The following TMEM165 variants were observed in gnomAD, a reference collection of about 807,000 sequenced individuals.
The protein encoded by TMEM165 is transmembrane protein 165.
TMEM165 carries 19 observed loss-of-function variants against 30.0 expected under a neutral mutation model. The ratio of observed to expected loss-of-function variants is 0.63; its 90% CI spans 0.44 to 0.93. TMEM165 has a LOEUF of 0.93. Among genes scored for constraint, TMEM165 ranks in the 40% least tolerant of loss-of-function variants. The probability of loss-of-function intolerance (pLI) is 0.00; values close to 1 mark genes in which losing one functional copy is unlikely to be tolerated. For missense variants in TMEM165, 340 were observed against 417.0 expected, an observed-to-expected ratio of 0.82 and a Z score of 1.61; for synonymous variants, 168 against 162.9, an observed-to-expected ratio of 1.03 and a Z score of -0.24.
chr4:55,433,328 T>C (rs1722647064), intron 3 of TMEM165: 1 of 152,664 alleles, frequency 6.6e-6, no homozygotes, highest in Non-Finnish European at 1.5e-5. Flanking sequence ...GTCACACTTC[T>C]TTTGTAGAAG....
chr4:55,439,842 G>C (rs1723205416), intron 3 of TMEM165, among the ~76,000 whole-genome samples: 1 of 152,120 alleles, frequency 6.6e-6, no homozygotes, highest in African/African-American at 2.4e-5. Context: ...TGGTGGTTGG[G>C]GAGAGAAGAA....
intron 3 of TMEM165, among the ~76,000 whole-genome samples, chr4:55,439,479 G>T (rs766598716): frequency 4.6e-5 from 7 of 152,030 alleles, no homozygotes; most frequent in Non-Finnish European, 8.8e-5. Flanking sequence ...ATTCACTATA[G>T]GATTACTATA....
At chr4:55,428,315 A>ATTG (rs1445917395), downstream of TMEM165, 2 of 152,202 alleles carry the variant, frequency 1.3e-5, no homozygotes, top group African/African-American at 2.4e-5. Context: ...AGTGTAACCA[A>ATTG]TTGTTACACC....
chr4:55,417,127 A>C lies in TMEM165; in HGVS notation c.489A>C (p.Ser163=), dbSNP rs1434023803. 2 of 1,613,952 alleles carry C rather than the reference A, an allele frequency of 1.2e-6. No homozygotes were observed. Among genetic ancestry groups the C allele is most frequent in the South Asian group, 2.2e-5 (2 of 91,056 alleles). The change falls in exon 3 of 6, where the codon TCA becomes TCC. Residue 163 remains serine, a synonymous_variant. Coordinates refer to ENST00000381334, the MANE Select transcript of TMEM165 (RefSeq NM_018475.5). ...CCAGGGTCTATACATACTATGTTTC[A>C]ACTGTATTATTTGCCATTTTTGGCA... The part of the protein sequence containing the change: ...VIPRVYTYYV[S]TVLFAIFGIR...
In TMEM165 at chr4:55,448,666, T is replaced by C. The variant is rs1724150905; in HGVS notation, c.409-3573T>C. The stretch of plus-strand genomic sequence containing the variant: ...TGTGCTCCTACCTCAGCCTCCCAAG[T>C]AGCTGTGGCTACAGGTGCTTGCCAG... On this transcript the variant is annotated intron_variant, in intron 3 of 3. Transcript: ENST00000608091. 9 of 649,150 alleles carry C rather than the reference T, an allele frequency of 1.4e-5. No individual in the cohort carries two copies. In the South Asian group the frequency reaches 1.4e-4, roughly 10 times the overall value. The allele number at this position is 649,150 out of a possible 1,614,324, so 40.2% of individuals were successfully genotyped here.
intron 5 of TMEM165, 46 bp from the exon 6 acceptor site, chr4:55,425,330 G>C (rs1722148004): frequency 6.7e-7 from 1 of 1,489,372 alleles, no homozygotes. Flanking sequence ...ACAGTATCAA[G>C]GTATAGGAAT....
chr4:55,405,621 T>C (rs1721236570), intron 1 of TMEM165, among the ~76,000 whole-genome samples: 1 of 152,186 alleles, frequency 6.6e-6, no homozygotes, highest in Non-Finnish European at 1.5e-5. Context: ...CTCACCACCA[T>C]CTTTGATTCC....
intron 4 of TMEM165, among the ~76,000 whole-genome samples, chr4:55,418,549 C>T (rs187172635): frequency 1.9e-4 from 29 of 151,258 alleles, no homozygotes; most frequent in Admixed American, 5.9e-4. Context: ...TATAGCTTTT[C>T]GTTCATGTGT....
At chr4:55,417,523 A>G (rs927736120) in intron 3 of TMEM165, among the ~76,000 whole-genome samples, 11 of 152,228 alleles carry the variant, frequency 7.2e-5, no homozygotes, top group South Asian at 4.1e-4. Context: ...ACTGTATTTT[A>G]TAATTTTACC....
At chr4:55,399,575 A>G (rs1720868268) in intron 1 of TMEM165, among the ~76,000 whole-genome samples, 1 of 152,222 alleles carries the variant, frequency 6.6e-6, no homozygotes, top group African/African-American at 2.4e-5. Flanking sequence ...TCATATTGGA[A>G]TTTTTAAGAT....
intron 3 of TMEM165, chr4:55,438,639 T>C: frequency 6.4e-7 from 1 of 1,552,844 alleles, no homozygotes. Context: ...CCCAATGACA[T>C]TGCCAGTTTG....
In TMEM165 at chr4:55,425,702, T is replaced by A. The variant is rs1260850885; in HGVS notation, c.*250T>A. 1.1e-5 allele frequency: 4 copies of A among 361,542 alleles called. No homozygotes were observed. In the Admixed American group the frequency reaches 1.8e-4, roughly 17 times the overall value. 22.4% of individuals were successfully genotyped at this position (361,542 alleles called of 1,614,324 possible). On this transcript the variant is annotated 3_prime_UTR_variant, in exon 6 of 6. Transcript: ENST00000381334. ...TAATTATGTTAATATGGTCCTCATT[T>A]TTCTTTTGGTGCAGAACCGTTGTGC...
At chr4:55,448,834 G>A (rs934423905) in intron 3 of TMEM165, 7 of 1,613,942 alleles carry the variant, frequency 4.3e-6, no homozygotes, top group Non-Finnish European at 5.9e-6. Context: ...CACTGGCTGT[G>A]TTAATGATGA....
chr4:55,448,512 CA>C (rs1724075334), intron 3 of TMEM165, among the ~76,000 whole-genome samples: 1 of 151,952 alleles, frequency 6.6e-6, no homozygotes, highest in Admixed American at 6.6e-5. Flanking sequence ...TTACAACAAT[CA>C]AAAATGTCCC....
rs375033102 is a variant in TMEM165 at position 55,422,937 on chromosome 4, A to G, written c.793-1601A>G. On this transcript the variant is annotated intron_variant, in intron 4 of 5. Coordinates refer to ENST00000381334, the MANE Select transcript of TMEM165 (RefSeq NM_018475.5). ...AGGCGTGAGCCACTGCACCCAGCCT[A>G]TTTTTCTTTTTTTAATAAGAGATGG... Among the ~76,000 whole-genome samples the G allele has an allele frequency of 1.3e-4, 20 of 151,752 alleles. No individual in the cohort carries two copies. The East Asian group carries it at 2.7e-3, about 21-fold the overall frequency.
At position 55,425,455 on chromosome 4, in the gene TMEM165, A is replaced by C. The variant is rs763465567; in HGVS notation, c.*3A>C. 1 of 735,952 alleles carries C rather than the reference A, an allele frequency of 1.4e-6. No individual in the cohort carries two copies. The highest frequency in any genetic ancestry group is 2.0e-5 in the African/African-American group (1 of 50,124). The allele number at this position is 735,952 out of a possible 1,614,324, so 45.6% of individuals were successfully genotyped here. On this transcript the variant is annotated 3_prime_UTR_variant, in exon 6 of 6. Transcript: ENST00000381334. Reference sequence around the variant, plus strand: ...TAAGCCCTGATTCTGGTTTTTAACAAGCTGTTTGTTCATCTATATTTAGTT... The same window carrying C: ...TAAGCCCTGATTCTGGTTTTTAACACGCTGTTTGTTCATCTATATTTAGTT...
At chr4:55,423,410 C>G (rs1464181708) in intron 4 of TMEM165, 1 of 152,082 alleles carries the variant, frequency 6.6e-6, no homozygotes, top group Non-Finnish European at 1.5e-5. Flanking sequence ...TCTTGTTCCC[C>G]TCTGGTTCTT....
intron 1 of TMEM165, among the ~76,000 whole-genome samples, chr4:55,396,673 T>C (rs1373220902): frequency 6.6e-6 from 1 of 152,234 alleles, no homozygotes; most frequent in Non-Finnish European, 1.5e-5. Flanking sequence ...GGGCGTTTTA[T>C]TGATCAGATG....
chr4:55,439,476 A>G (rs1405332620), intron 3 of TMEM165, among the ~76,000 whole-genome samples: 1 of 152,178 alleles, frequency 6.6e-6, no homozygotes, highest in Non-Finnish European at 1.5e-5. Context: ...AAAATTCACT[A>G]TAGGATTACT....
Sources: gnomAD v4.1 joint callset for allele counts (sites outside exome capture counted in the v4.1 genomes callset) on GRCh38, gnomAD v4.1.1 for gene constraint, MANE v1.5 for transcripts, NCBI Gene and HGNC (gene_info 2026-07-23, HGNC 2026-07-21) for gene names.